The following ARHGEF18 variants were observed in gnomAD, a reference collection of about 807,000 sequenced individuals.
The protein encoded by ARHGEF18 is Rho/Rac guanine nucleotide exchange factor 18, also known as rho guanine nucleotide exchange factor 18.
A neutral mutation model predicts 155.7 loss-of-function variants in ARHGEF18; 93 were observed. That is an observed-to-expected ratio of 0.60 (90% confidence interval 0.50 to 0.71). The LOEUF (loss-of-function observed/expected upper bound fraction) is 0.71. Ranked by LOEUF, ARHGEF18 falls within the 30% of genes least tolerant of loss-of-function variation. The probability of loss-of-function intolerance (pLI) is 0.00; values close to 1 mark genes in which losing one functional copy is unlikely to be tolerated. For missense variants in ARHGEF18, 1,593 were observed against 1,816.1 expected (o/e 0.88, Z 2.23); for synonymous variants, 742 against 753.1 (o/e 0.99, Z 0.24).
chr19:7,450,294 T>C (rs201913711), intron 15 of ARHGEF18, among the ~76,000 whole-genome samples: 68 of 762 alleles, frequency 0.089, no homozygotes, highest in South Asian at 0.17. Context: ...TCTTGCTTTC[T>C]GTTTCCATTT....
rs3997578 is a variant in ARHGEF18 at position 7,395,531 on chromosome 19, C to CAGGAG, written c.967+12339_967+12343dup. Among the ~76,000 whole-genome samples, 261 of 152,240 alleles carry CAGGAG rather than the reference C, an allele frequency of 1.7e-3. 5 individuals are homozygous for CAGGAG. In the East Asian group the frequency reaches 0.041, roughly 24 times the overall value. On this transcript the variant is annotated intron_variant, in intron 10 of 28. Transcript: ENST00000668164. The surrounding 1 kb of genome is among the most constrained non-coding windows in gnomAD (Gnocchi z 5.0). The stretch of plus-strand genomic sequence containing the variant: ...TGGGGTGCTACGGCTTACTCTCCTC[C>CAGGAG]AGGAGAGGAGAGGAGGGGTCACTTG...
rs1971610690 is a variant in ARHGEF18, at chr19:7,395,031, G to C, written c.967+11828G>C. 4 of 984,220 alleles carry C rather than the reference G, an allele frequency of 4.1e-6. No individual in the cohort carries two copies. In the South Asian group the frequency reaches 1.4e-4, roughly 35 times the overall value. 61.0% of individuals were successfully genotyped at this position (984,220 alleles called of 1,614,324 possible). Reference sequence around the variant, plus strand: ...GCAGCAGCCCCAGGTCCCCGGGAGCGCCCCGCCCTCGAGGGCACGCCTCCT... The same window carrying C: ...GCAGCAGCCCCAGGTCCCCGGGAGCCCCCCGCCCTCGAGGGCACGCCTCCT... On this transcript the variant is annotated intron_variant, in intron 10 of 28. Transcript: ENST00000668164. The surrounding 1 kb of genome is among the most constrained non-coding windows in gnomAD (Gnocchi z 5.0).
chr19:7,461,926 G>A (rs1437677712), intron 20 of ARHGEF18, among the ~76,000 whole-genome samples: 1 of 152,080 alleles, frequency 6.6e-6, no homozygotes, highest in East Asian at 1.9e-4. Flanking sequence ...TACTGGGATC[G>A]CAGGCCTGAG....
intron 10 of ARHGEF18, among the ~76,000 whole-genome samples, chr19:7,419,639 C>T (rs904330942): frequency 1.3e-5 from 2 of 152,092 alleles, no homozygotes; most frequent in African/African-American, 4.8e-5. Context: ...TTCCTTTTCT[C>T]CATCAGGCCA....
At position 7,440,225 on chromosome 19, in the gene ARHGEF18, G is replaced by A. The variant is rs17159563; in HGVS notation, c.968-119G>A. 2,634 of 1,551,968 alleles carry A rather than the reference G, an allele frequency of 1.7e-3. 43 individuals are homozygous for A. The African/African-American group carries it at 0.033, about 19-fold the overall frequency. On this transcript the variant is annotated intron_variant, in intron 10 of 28. Coordinates refer to ENST00000668164, the MANE Select transcript of ARHGEF18 (RefSeq NM_001367823.1). The surrounding 1 kb of genome is among the most constrained non-coding windows in gnomAD (Gnocchi z 5.4). ...AGAACGTCTTCTTGGATAACGAGCT[G>A]CTGACCTCCAAGATCCTGTCTGTGC...
At chr19:7,365,602 G>T (rs899104054) in intron 2 of ARHGEF18, among the ~76,000 whole-genome samples, 1 of 152,184 alleles carries the variant, frequency 6.6e-6, no homozygotes, top group South Asian at 2.1e-4. Context: ...GGGGAACGGT[G>T]GGCTCTGGGG....
At chr19:7,379,240 C>A in intron 7 of ARHGEF18, 74 bp downstream of exon 7, 3 of 1,190,866 alleles carry the variant, frequency 2.5e-6, no homozygotes, top group Non-Finnish European at 3.1e-6. Context: ...GGGGTGTGCA[C>A]AGGTGTAGGA....
chr19:7,356,739 T>G (rs1457872603), intron 1 of ARHGEF18, among the ~76,000 whole-genome samples: 1 of 152,206 alleles, frequency 6.6e-6, no homozygotes, highest in Admixed American at 6.5e-5. Flanking sequence ...ACTGCCCATA[T>G]GAGCGCCTCC....
chr19:7,425,965 A>T (rs1174564076), intron 10 of ARHGEF18, among the ~76,000 whole-genome samples: 1 of 152,124 alleles, frequency 6.6e-6, no homozygotes, highest in Non-Finnish European at 1.5e-5. Context: ...GCACCACTGC[A>T]CTCCAGCCTG....
intron 10 of ARHGEF18, among the ~76,000 whole-genome samples, chr19:7,425,455 G>A (rs535676811): frequency 1.2e-4 from 18 of 151,078 alleles, no homozygotes; most frequent in Admixed American, 4.0e-4. Context: ...AGGGTGAGGC[G>A]GGCGGATCAC....
At chr19:7,405,971 A>G (rs958738684) in intron 10 of ARHGEF18, among the ~76,000 whole-genome samples, 29 of 152,164 alleles carry the variant, frequency 1.9e-4, no homozygotes, top group Admixed American at 1.2e-3. Context: ...TTTACAACAC[A>G]GTGATTTTCC....
chr19:7,379,229 AG>A, intron 7 of ARHGEF18, 63 bp downstream of exon 7: 1 of 1,193,386 alleles, frequency 8.4e-7, no homozygotes, highest in Non-Finnish European at 1.0e-6. Flanking sequence ...GGAAGCATGC[AG>A]GGGTGTGCAC....
At chr19:7,447,598 A>G (rs1975078344) in intron 15 of ARHGEF18, among the ~76,000 whole-genome samples, 1 of 152,206 alleles carries the variant, frequency 6.6e-6, no homozygotes, top group South Asian at 2.1e-4. Context: ...GGGAATTAAA[A>G]GGCATCTGTT....
chr19:7,355,547 C>T (rs1015403504), intron 1 of ARHGEF18: 1 of 896,118 alleles, frequency 1.1e-6, no homozygotes, highest in Non-Finnish European at 1.3e-6. Context: ...GCAGTCTCCG[C>T]CCCTCTTACT....
At chr19:7,396,911 C>T (rs1432655342) in intron 10 of ARHGEF18, among the ~76,000 whole-genome samples, 1 of 151,796 alleles carries the variant, frequency 6.6e-6, no homozygotes, top group Non-Finnish European at 1.5e-5. Flanking sequence ...TGGCATATGG[C>T]AAACTTTCCA....
Position 7,464,601 on chromosome 19 carries a change from C to A in ARHGEF18, c.2815C>A (p.Pro939Thr). Residue 939 changes from proline to threonine, a missense_variant, in exon 23 of 29, where the codon CCC (proline) becomes ACC (threonine). Pro to Thr is a conservative substitution (Grantham distance 38). Transcript: ENST00000668164. ...KKKVSSTDPR[P>T]RDWRGPPNSP... is the part of the protein sequence containing the mutation. ...GAAAGTCAGCAGCACTGACCCCAGG[C>A]CCCGAGACTGGCGAGGCCCCCCAAA... is the stretch of plus-strand genomic sequence containing the variant. 1 of 1,613,916 alleles carries A rather than the reference C, an allele frequency of 6.2e-7. No individual in the cohort carries two copies. Among genetic ancestry groups the A allele is most frequent in the Non-Finnish European group, 8.5e-7 (1 of 1,179,968 alleles).
intron 10 of ARHGEF18, among the ~76,000 whole-genome samples, chr19:7,411,013 T>G (rs1043075447): frequency 2.6e-5 from 4 of 151,948 alleles, no homozygotes; most frequent in Admixed American, 1.3e-4. Flanking sequence ...AGGCAGATGC[T>G]TTTTCAGCAT....
In ARHGEF18 at chr19:7,470,360, G is replaced by T; in HGVS notation, c.*62G>T. On this transcript the variant is annotated 3_prime_UTR_variant, in exon 29 of 29. Coordinates refer to ENST00000668164, the MANE Select transcript of ARHGEF18 (RefSeq NM_001367823.1). The surrounding 1 kb of genome is among the most constrained non-coding windows in gnomAD (Gnocchi z 5.9). ...CCTGCCCACCCTTCCTGCTCTCTGG[G>T]GACCCCCATGGGGTCACCATGCCCA... 7.3e-7 allele frequency: 1 copy of T among 1,373,296 alleles called. No individual in the cohort carries two copies. The highest frequency in any genetic ancestry group is 1.8e-5 in the South Asian group (1 of 56,986). 85.1% of individuals were successfully genotyped at this position (1,373,296 alleles called of 1,614,324 possible).
chr19:7,470,153 C>G lies in ARHGEF18; in HGVS notation c.3941C>G (p.Pro1314Arg). Residue 1314 changes from proline to arginine, a missense_variant, in exon 29 of 29, where the codon CCG (proline) becomes CGG (arginine). Coordinates refer to ENST00000668164, the MANE Select transcript of ARHGEF18 (RefSeq NM_001367823.1). The surrounding 1 kb of genome is among the most constrained non-coding windows in gnomAD (Gnocchi z 5.9). ...CCTGGCTTCCCCGCCCCGAGCCCAC[C>G]GCCAGCTGACAGCCCCTCCGAGGGC... ...PDPGFPAPSP[P>R]PADSPSEGFS... 6.2e-7 allele frequency: 1 copy of G among 1,609,206 alleles called. No individual in the cohort carries two copies. The highest frequency in any genetic ancestry group is 8.5e-7 in the Non-Finnish European group (1 of 1,178,120).
Sources: gnomAD v4.1 joint callset for allele counts (sites outside exome capture counted in the v4.1 genomes callset) on GRCh38, gnomAD v4.1.1 for gene constraint, Gnocchi (gnomAD v3.1) non-coding constraint, MANE v1.5 for transcripts, NCBI Gene and HGNC (gene_info 2026-07-23, HGNC 2026-07-21) for gene names.